Variants in PPARGC1A observed in about 807,000 individuals in gnomAD.
PPARGC1A encodes the protein PPARG coactivator 1 alpha.
A neutral mutation model predicts 88.7 loss-of-function variants in PPARGC1A; 25 were observed. That is an observed-to-expected ratio of 0.28 (90% CI 0.21 to 0.39). The LOEUF (loss-of-function observed/expected upper bound fraction) is 0.39, where lower values mean the gene tolerates loss of function less well. Among genes scored for constraint, PPARGC1A ranks in the 10% least tolerant of loss-of-function variants. The pLI is 1.00. For missense variants in PPARGC1A, 880 were observed against 968.7 expected (o/e 0.91, Z 1.22); for synonymous variants, 363 against 355.6 (o/e 1.02, Z -0.24).
the PPARGC1A span, among the ~76,000 whole-genome samples, chr4:24,139,251 A>T: frequency 6.6e-6 from 1 of 151,632 alleles, no homozygotes; most frequent in Non-Finnish European, 1.5e-5. Context: ...CTTCTGCCTC[A>T]GCCTCCCAAG....
chr4:23,882,358 T>C (rs1180004085), intron 2 of PPARGC1A, among the ~76,000 whole-genome samples: 1 of 152,188 alleles, frequency 6.6e-6, no homozygotes, highest in Non-Finnish European at 1.5e-5. Context: ...TCATTAGTAA[T>C]TTATAAAGGG....
chr4:24,387,757 AG>A, the PPARGC1A span, among the ~76,000 whole-genome samples: 100 of 81,992 alleles, frequency 1.2e-3, 1 homozygote, highest in African/African-American at 4.7e-3. Context: ...AGAGAGAGAG[AG>A]AGAGAGAGAG....
the PPARGC1A span, among the ~76,000 whole-genome samples, chr4:24,200,180 A>G: frequency 3.3e-3 from 501 of 152,316 alleles, 3 homozygotes; most frequent in South Asian, 7.1e-3. Context: ...TGATACCACT[A>G]TGTCAATTTG....
At chr4:23,866,670 T>C (rs1339177693) in intron 2 of PPARGC1A, among the ~76,000 whole-genome samples, 1 of 152,178 alleles carries the variant, frequency 6.6e-6, no homozygotes, top group Non-Finnish European at 1.5e-5. Flanking sequence ...GAGCTAAAAA[T>C]AGCAGGCACT....
chr4:24,145,763 G>C, the PPARGC1A span, among the ~76,000 whole-genome samples: 2 of 152,188 alleles, frequency 1.3e-5, no homozygotes, highest in African/African-American at 4.8e-5. Flanking sequence ...CAAACGAATA[G>C]CAAATTTAAT....
chr4:23,797,380 T>C (rs1717800568), intron 12 of PPARGC1A, among the ~76,000 whole-genome samples: 1 of 152,120 alleles, frequency 6.6e-6, no homozygotes, highest in South Asian at 2.1e-4. Context: ...GTCTAGCTCA[T>C]TGCTAGAGAT....
the PPARGC1A span, among the ~76,000 whole-genome samples, chr4:24,338,605 A>C: frequency 6.6e-6 from 1 of 152,202 alleles, no homozygotes; most frequent in African/African-American, 2.4e-5. Flanking sequence ...AATATGGGAT[A>C]CCAACCCCCG....
At chr4:24,288,781 A>T in the PPARGC1A span, among the ~76,000 whole-genome samples, 30 of 152,236 alleles carry the variant, frequency 2.0e-4, no homozygotes, top group Non-Finnish European at 4.1e-4. Flanking sequence ...ACGGCAGTAG[A>T]CATCAACAAC....
At chr4:24,143,359 G>A in the PPARGC1A span, among the ~76,000 whole-genome samples, 37 of 152,246 alleles carry the variant, frequency 2.4e-4, no homozygotes, top group East Asian at 6.0e-3. Flanking sequence ...ACCACTGCAC[G>A]CTGTAACATG....
At chr4:24,341,529 G>C in the PPARGC1A span, among the ~76,000 whole-genome samples, 1 of 152,104 alleles carries the variant, frequency 6.6e-6, no homozygotes, top group African/African-American at 2.4e-5. Flanking sequence ...TGAACAAACT[G>C]TGCAAATGTT....
chr4:24,270,869 G>A, the PPARGC1A span, among the ~76,000 whole-genome samples: 2 of 152,000 alleles, frequency 1.3e-5, no homozygotes, highest in Admixed American at 6.6e-5. Context: ...ATAACCTTTG[G>A]ATTATCTTTA....
the PPARGC1A span, among the ~76,000 whole-genome samples, chr4:24,412,383 T>C: frequency 6.6e-6 from 1 of 152,024 alleles, no homozygotes; most frequent in Non-Finnish European, 1.5e-5. Context: ...TCATATTTTT[T>C]AATGGTTAGG....
At chr4:24,150,609 C>G in the PPARGC1A span, among the ~76,000 whole-genome samples, 1 of 152,246 alleles carries the variant, frequency 6.6e-6, no homozygotes, top group East Asian at 1.9e-4. Context: ...GAGCATAACT[C>G]CTGAATTCCA....
chr4:23,841,642 C>G (rs1727066556), intron 2 of PPARGC1A, among the ~76,000 whole-genome samples: 1 of 151,930 alleles, frequency 6.6e-6, no homozygotes, highest in Non-Finnish European at 1.5e-5. Context: ...TAGTTTCAAA[C>G]CTGGAGCCAT....
chr4:24,282,758 T>C, the PPARGC1A span, among the ~76,000 whole-genome samples: 1 of 152,212 alleles, frequency 6.6e-6, no homozygotes, highest in South Asian at 2.1e-4. Context: ...ACTTTTACCT[T>C]TTTTTCCAGC....
the PPARGC1A span, among the ~76,000 whole-genome samples, chr4:24,152,250 A>G: frequency 6.6e-6 from 1 of 152,314 alleles, no homozygotes; most frequent in South Asian, 2.1e-4. Context: ...TTACAAATTT[A>G]AAAAGGAGGA....
chr4:24,305,991 C>T, the PPARGC1A span, among the ~76,000 whole-genome samples: 2 of 152,116 alleles, frequency 1.3e-5, no homozygotes, highest in Admixed American at 6.5e-5. Flanking sequence ...GGGATGTACC[C>T]TCATCCTATG....
chr4:24,079,392 T>C, the PPARGC1A span, among the ~76,000 whole-genome samples: 3 of 152,194 alleles, frequency 2.0e-5, no homozygotes, highest in South Asian at 2.1e-4. Context: ...TTTTTTCATA[T>C]ATTTATTGGT....
At chr4:23,920,541 C>T in the PPARGC1A span, among the ~76,000 whole-genome samples, 2 of 152,132 alleles carry the variant, frequency 1.3e-5, no homozygotes, top group Non-Finnish European at 2.9e-5. Context: ...CATGACAGGG[C>T]CAGCAAATGC....
Sources: gnomAD v4.1 joint callset for allele counts (sites outside exome capture counted in the v4.1 genomes callset) on GRCh38, gnomAD v4.1.1 for gene constraint, MANE v1.5 for transcripts, NCBI Gene and HGNC (gene_info 2026-07-23, HGNC 2026-07-21) for gene names.